Variants in NRXN3 observed in about 807,000 individuals in gnomAD.
NRXN3 encodes neurexin 3.
Under a neutral mutation model 137.6 loss-of-function variants are expected in NRXN3, and 32 were observed. That is an observed-to-expected ratio of 0.23 (90% CI 0.18 to 0.31). The LOEUF is 0.31. Ranked by LOEUF, NRXN3 falls within the 10% of genes least tolerant of loss-of-function variation. The pLI is 1.00. For missense variants in NRXN3, 1,574 were observed against 2,062.5 expected (o/e 0.76, Z 4.59); for synonymous variants, 798 against 784.5 (o/e 1.02, Z -0.29).
intron 15 of NRXN3, among the ~76,000 whole-genome samples, chr14:79,148,332 A>G (rs2059491704): frequency 6.6e-6 from 1 of 152,172 alleles, no homozygotes; most frequent in Non-Finnish European, 1.5e-5. Context: ...ATGCTCCCAG[A>G]AGCTGAGACA....
intron 1 of NRXN3, among the ~76,000 whole-genome samples, chr14:78,223,542 T>G (rs1272286846): frequency 2.0e-5 from 3 of 152,224 alleles, no homozygotes; most frequent in African/African-American, 7.2e-5. Context: ...GAGCACCCAG[T>G]GGATTCAAAC....
intron 14 of NRXN3, among the ~76,000 whole-genome samples, chr14:78,973,991 A>G (rs1395873599): frequency 6.6e-6 from 1 of 152,178 alleles, no homozygotes. Flanking sequence ...AGACTCTGTC[A>G]CTATTTTACC....
intron 10 of NRXN3, among the ~76,000 whole-genome samples, chr14:78,820,237 T>C (rs2098946693): frequency 1.3e-5 from 2 of 148,354 alleles, no homozygotes; most frequent in African/African-American, 4.9e-5. Flanking sequence ...AAAGTACATA[T>C]ATACATATAT....
intron 1 of NRXN3, among the ~76,000 whole-genome samples, chr14:78,172,662 A>G (rs914677327): frequency 6.6e-6 from 1 of 152,020 alleles, no homozygotes; most frequent in African/African-American, 2.4e-5. Context: ...AGGGGGGGAA[A>G]AGGCTGGACA....
chr14:78,953,153 G>A (rs1597827249), intron 10 of NRXN3, among the ~76,000 whole-genome samples: 1 of 152,224 alleles, frequency 6.6e-6, no homozygotes, highest in East Asian at 1.9e-4. Flanking sequence ...TTCACCTTAT[G>A]AAGGTGTGTG....
intron 4 of NRXN3, among the ~76,000 whole-genome samples, chr14:78,351,782 C>CTT (rs11423743): frequency 0.29 from 37,131 of 127,578 alleles, 6,423 homozygotes; most frequent in Admixed American, 0.41. Context: ...TGGTATTTTT[C>CTT]TTTTTTTTTT....
At chr14:79,039,569 A>AT (rs2099621761) in intron 15 of NRXN3, among the ~76,000 whole-genome samples, 1 of 152,232 alleles carries the variant, frequency 6.6e-6, no homozygotes, top group Middle Eastern at 3.4e-3. Flanking sequence ...TGTTTGAGAG[A>AT]TAAAAAGTTG....
intron 16 of NRXN3, among the ~76,000 whole-genome samples, chr14:79,547,194 T>C (rs1487877232): frequency 6.6e-6 from 1 of 152,156 alleles, no homozygotes; most frequent in East Asian, 1.9e-4. Context: ...TTTCTGAAGA[T>C]CGGGTGCTCT....
intron 15 of NRXN3, among the ~76,000 whole-genome samples, chr14:79,183,359 T>G (rs1243454838): frequency 6.6e-6 from 1 of 152,196 alleles, no homozygotes; most frequent in Non-Finnish European, 1.5e-5. Context: ...CCTTGACTGT[T>G]AATTAGCTCA....
intron 4 of NRXN3, among the ~76,000 whole-genome samples, chr14:78,301,058 A>G (rs1333839687): frequency 6.6e-6 from 1 of 152,128 alleles, no homozygotes; most frequent in African/African-American, 2.4e-5. Flanking sequence ...ATTATTTGGA[A>G]TAACTGAATT....
intron 4 of NRXN3, among the ~76,000 whole-genome samples, chr14:78,492,304 A>C (rs1172366564): frequency 1.3e-5 from 2 of 152,204 alleles, no homozygotes; most frequent in Non-Finnish European, 2.9e-5. Flanking sequence ...GTGGACTGCC[A>C]AAATTTTTGT....
At chr14:78,449,311 C>T (rs1479341043) in intron 4 of NRXN3, among the ~76,000 whole-genome samples, 2 of 152,184 alleles carry the variant, frequency 1.3e-5, no homozygotes, top group Non-Finnish European at 2.9e-5. Flanking sequence ...CTTTCAGGCT[C>T]AAGTAATTCT....
intron 15 of NRXN3, among the ~76,000 whole-genome samples, chr14:79,183,725 T>C (rs8019231): frequency 0.32 from 48,485 of 152,110 alleles, 8,199 homozygotes; most frequent in Non-Finnish European, 0.38. Flanking sequence ...GGCTCACTGC[T>C]TACAACGGCA....
intron 10 of NRXN3, among the ~76,000 whole-genome samples, chr14:78,836,953 G>T (rs941795860): frequency 1.1e-4 from 16 of 152,118 alleles, no homozygotes; most frequent in Non-Finnish European, 1.5e-5. Context: ...TGGCCACAAG[G>T]AGTATCAGTT....
rs184938633 is a variant in NRXN3, at chr14:78,226,292, C to T, written c.-703-16099C>T. ...TGCTGGGATTACAGGCGTGAGCCACCGGGTCCGGCCCAAGTAGCAGGTATT... is the reference window on the plus strand; with the variant it reads ...TGCTGGGATTACAGGCGTGAGCCACTGGGTCCGGCCCAAGTAGCAGGTATT... On this transcript the variant is annotated intron_variant, in intron 1 of 20. Transcript: ENST00000335750. Among the ~76,000 whole-genome samples the T allele has an allele frequency of 7.4e-4, 113 of 152,210 alleles. 1 individual carries two copies. Among genetic ancestry groups the T allele is most frequent in the Middle Eastern group, 6.8e-3 (2 of 294 alleles).
At position 79,868,118 on chromosome 14, in the gene NRXN3, TA is replaced by T. The variant is rs1372305304; in HGVS notation, c.*6156del. ...GTTTCTTGAGAAATATTGGATGAAA[TA>T]ATTCATGTGAAATGCTTAACATATG... On this transcript the variant is annotated 3_prime_UTR_variant, in exon 21 of 21. Coordinates refer to ENST00000335750, the MANE Select transcript of NRXN3 (RefSeq NM_001330195.2). The T allele has an allele frequency of 6.6e-6, 1 of 152,202 alleles. No individual in the cohort carries two copies. Among genetic ancestry groups the T allele is most frequent in the Non-Finnish European group, 1.5e-5 (1 of 68,044 alleles). The allele number at this position is 152,202 out of a possible 1,614,324, so 9.4% of individuals were successfully genotyped here. A position where few individuals can be genotyped will look rare whatever the true frequency, so the allele number is the denominator to read the frequency against.
At chr14:79,626,442 T>C (rs1458555310) in intron 16 of NRXN3, among the ~76,000 whole-genome samples, 1 of 83,202 alleles carries the variant, frequency 1.2e-5, no homozygotes, top group Non-Finnish European at 2.3e-5. Context: ...ATAACCCTCA[T>C]TGTTTGTCAT....
intron 4 of NRXN3, among the ~76,000 whole-genome samples, chr14:78,539,787 A>G (rs2096571225): frequency 6.6e-6 from 1 of 152,186 alleles, no homozygotes; most frequent in Admixed American, 6.5e-5. Context: ...AATGTGTCCC[A>G]GAGATTCTGG....
intron 20 of NRXN3, among the ~76,000 whole-genome samples, chr14:79,816,212 T>A (rs1321167405): frequency 6.6e-6 from 1 of 152,218 alleles, no homozygotes; most frequent in African/African-American, 2.4e-5. Flanking sequence ...AGAGGTAATA[T>A]TCAAGTCCAA....
Sources: allele counts gnomAD v4.1 joint callset (sites outside exome capture counted in the v4.1 genomes callset), GRCh38; gene constraint gnomAD v4.1.1; transcripts MANE v1.5; gene names NCBI Gene and HGNC (gene_info 2026-07-23, HGNC 2026-07-21).